The following RAB38 variants were observed in gnomAD, a reference collection of about 807,000 sequenced individuals.
RAB38 encodes the protein RAB38, member RAS oncogene family.
Under a neutral mutation model 18.4 loss-of-function variants are expected in RAB38, and 15 were observed. That is an observed-to-expected ratio of 0.82 (90% CI 0.55 to 1.26). The LOEUF is 1.26. Ranked by LOEUF, RAB38 falls within the 50% of genes most tolerant of loss-of-function variation. The probability of loss-of-function intolerance (pLI) is 0.00; values close to 1 mark genes in which losing one functional copy is unlikely to be tolerated. For missense variants in RAB38, 294 were observed against 267.4 expected (o/e 1.10, Z -0.69); for synonymous variants, 101 against 104.4 (o/e 0.97, Z 0.20).
chr11:87,909,400 T>C, the RAB38 span, among the ~76,000 whole-genome samples: 1 of 152,074 alleles, frequency 6.6e-6, no homozygotes, highest in African/African-American at 2.4e-5. Flanking sequence ...ATTCATTGCA[T>C]TCTTTCTCAA....
the RAB38 span, among the ~76,000 whole-genome samples, chr11:87,883,985 C>T: frequency 4.7e-4 from 71 of 151,936 alleles, no homozygotes; most frequent in South Asian, 3.7e-3. Context: ...GTGTGGTGAT[C>T]GGTTATGGCA....
intron 2 of RAB38, among the ~76,000 whole-genome samples, chr11:88,139,036 C>T (rs371475931): frequency 1.3e-4 from 20 of 152,038 alleles, no homozygotes; most frequent in African/African-American, 2.9e-4. Flanking sequence ...CACCCGCCTC[C>T]GCCTCCCAAA....
At chr11:87,868,803 C>T in the RAB38 span, among the ~76,000 whole-genome samples, 1 of 151,576 alleles carries the variant, frequency 6.6e-6, no homozygotes, top group Non-Finnish European at 1.5e-5. Context: ...GGTGTACCAT[C>T]CCAGCTGCTT....
At chr11:88,103,544 A>G in the RAB38 span, among the ~76,000 whole-genome samples, 2 of 152,112 alleles carry the variant, frequency 1.3e-5, no homozygotes, top group African/African-American at 4.8e-5. Flanking sequence ...TTCTATTTAT[A>G]GAACAGTAGC....
the RAB38 span, among the ~76,000 whole-genome samples, chr11:87,870,572 T>G: frequency 6.6e-6 from 1 of 151,634 alleles, no homozygotes; most frequent in African/African-American, 2.4e-5. Flanking sequence ...TCTTTATTCT[T>G]GTTTTTAGTT....
the RAB38 span, among the ~76,000 whole-genome samples, chr11:87,849,427 C>T: frequency 6.6e-6 from 1 of 152,172 alleles, no homozygotes; most frequent in Non-Finnish European, 1.5e-5. Context: ...GCTCCATTCA[C>T]AAGTACTCTG....
chr11:88,015,244 CT>C, the RAB38 span, among the ~76,000 whole-genome samples: 1 of 152,230 alleles, frequency 6.6e-6, no homozygotes, highest in South Asian at 2.1e-4. Flanking sequence ...CTTTTCTCTT[CT>C]ATGGTTCTCA....
the RAB38 span, among the ~76,000 whole-genome samples, chr11:87,837,898 C>T: frequency 6.6e-6 from 1 of 152,106 alleles, no homozygotes; most frequent in Non-Finnish European, 1.5e-5. Flanking sequence ...ATTTTGTTGA[C>T]ATATAAGATT....
At chr11:88,043,298 C>A in the RAB38 span, among the ~76,000 whole-genome samples, 1 of 151,998 alleles carries the variant, frequency 6.6e-6, no homozygotes, top group East Asian at 1.9e-4. Flanking sequence ...AAGTGACAGG[C>A]AAAATAAGGT....
At chr11:87,942,353 A>C in the RAB38 span, among the ~76,000 whole-genome samples, 1 of 152,116 alleles carries the variant, frequency 6.6e-6, no homozygotes. Flanking sequence ...TGAGTCTCAA[A>C]ATTTTTCATT....
chr11:88,157,514 T>C (rs919865597), intron 1 of RAB38, among the ~76,000 whole-genome samples: 5 of 152,140 alleles, frequency 3.3e-5, no homozygotes, highest in Non-Finnish European at 5.9e-5. Context: ...ATCTACGGAA[T>C]ACTCTACCCA....
At chr11:87,977,835 TC>T in the RAB38 span, among the ~76,000 whole-genome samples, 1 of 105,256 alleles carries the variant, frequency 9.5e-6, no homozygotes, top group Non-Finnish European at 1.8e-5. Flanking sequence ...TCCTATATAA[TC>T]ATGTATATTA....
At chr11:88,158,242 A>C (rs2134840266) in intron 1 of RAB38, among the ~76,000 whole-genome samples, 1 of 152,220 alleles carries the variant, frequency 6.6e-6, no homozygotes, top group African/African-American at 2.4e-5. Flanking sequence ...AGGAATTAAA[A>C]CCCTGAATAG....
the RAB38 span, among the ~76,000 whole-genome samples, chr11:88,027,057 A>G: frequency 6.6e-6 from 1 of 152,196 alleles, no homozygotes; most frequent in South Asian, 2.1e-4. Flanking sequence ...TTAATTCAAA[A>G]ATATTTTTGA....
chr11:87,892,570 C>G, the RAB38 span, among the ~76,000 whole-genome samples: 2 of 151,802 alleles, frequency 1.3e-5, no homozygotes, highest in African/African-American at 4.8e-5. Flanking sequence ...AGAGCATAGC[C>G]AATCAAGCTC....
At chr11:88,030,796 G>A in the RAB38 span, among the ~76,000 whole-genome samples, 1 of 152,094 alleles carries the variant, frequency 6.6e-6, no homozygotes, top group Admixed American at 6.6e-5. Flanking sequence ...TTCCACCAGA[G>A]GTACAAGGAG....
chr11:87,937,168 T>G, the RAB38 span, among the ~76,000 whole-genome samples: 1 of 151,728 alleles, frequency 6.6e-6, no homozygotes, highest in East Asian at 1.9e-4. Context: ...GAATGAGTAT[T>G]GAGTTAGGTC....
At chr11:88,029,084 TAAAGA>T in the RAB38 span, among the ~76,000 whole-genome samples, 2 of 151,804 alleles carry the variant, frequency 1.3e-5, no homozygotes, top group East Asian at 1.9e-4. Context: ...TCAACATTCT[TAAAGA>T]AAAGAATTTT....
chr11:87,932,858 T>C, the RAB38 span, among the ~76,000 whole-genome samples: 1 of 152,126 alleles, frequency 6.6e-6, no homozygotes, highest in African/African-American at 2.4e-5. Context: ...GCATTCCTAA[T>C]TCTAGAATCA....
Sources: gnomAD v4.1 joint callset for allele counts (sites outside exome capture counted in the v4.1 genomes callset) on GRCh38, gnomAD v4.1.1 for gene constraint, MANE v1.5 for transcripts, NCBI Gene and HGNC (gene_info 2026-07-23, HGNC 2026-07-21) for gene names.